Variants in IGFN1 observed in about 807,000 individuals in gnomAD.
IGFN1 encodes the protein immunoglobulin-like and fibronectin type III domain-containing protein 1.
A neutral mutation model predicts 289.5 loss-of-function variants in IGFN1; 253 were observed. The observed-to-expected ratio is 0.87, with a 90% CI of 0.79 to 0.97. The LOEUF (loss-of-function observed/expected upper bound fraction) is 0.97. IGFN1 is among the 50% of genes least tolerant of loss of function. The pLI, the probability that IGFN1 is intolerant of heterozygous loss-of-function variation, is 0.00. For synonymous variants in IGFN1, 1,706 were observed against 1,788.5 expected (o/e 0.95, Z 1.16); for missense variants, 4,470 against 4,686.1 (o/e 0.95, Z 1.35).
rs1167565657 is a variant in IGFN1 at position 201,207,409 on chromosome 1, C to T, written c.2516C>T (p.Pro839Leu). 3 of 1,534,326 alleles carry T rather than the reference C, an allele frequency of 2.0e-6. No homozygotes were observed. The East Asian group carries it at 7.3e-5, about 38-fold the overall frequency. The change falls in exon 12 of 24, where the codon CCT becomes CTT. Residue 839 changes from proline (P) to leucine (L), a missense_variant. Physicochemically the swap from Pro to Leu is moderately conservative, Grantham distance 98 (BLOSUM62 -3). Coordinates refer to ENST00000335211, the MANE Select transcript of IGFN1 (RefSeq NM_001164586.2). ...AGAATAGAATCTAAGGGCACAAGTC[C>T]TTGGGATGACACACCATCTAGCCTC... ...IGRIESKGTS[P>L]WDDTPSSLRK...
Position 201,209,447 on chromosome 1 carries a change from T to C in IGFN1, c.4554T>C (p.Gly1518=). 1.3e-6 allele frequency: 2 copies of C among 1,533,904 alleles called. No homozygotes were observed. The highest frequency in any genetic ancestry group is 2.4e-5 in the South Asian group (2 of 83,846). The part of the protein sequence containing the change: ...GSKAGYRGGL[G]SGEMGSVDKA... Reference sequence around the variant, plus strand: ...AAGCAGGTTATAGGGGTGGCTTAGGTTCTGGGGAAATGGGGTCTGTGGATA... The same window carrying C: ...AAGCAGGTTATAGGGGTGGCTTAGGCTCTGGGGAAATGGGGTCTGTGGATA... Residue 1518 remains glycine, a synonymous_variant, in exon 12 of 24, where the codon GGT becomes GGC. Transcript: ENST00000335211.
chr1:201,221,705 C>T lies in IGFN1; in HGVS notation c.10160C>T (p.Pro3387Leu). Reference protein sequence around the residue: ...TAVNEGGQSQPSALDTLVQAM... With the variant: ...TAVNEGGQSQLSALDTLVQAM... Reference sequence around the variant, plus strand: ...GTTAATGAAGGAGGCCAGAGCCAGCCCAGTGCCCTGGACACATTAGTGCAA... The same window carrying T: ...GTTAATGAAGGAGGCCAGAGCCAGCTCAGTGCCCTGGACACATTAGTGCAA... Residue 3387 changes from proline to leucine, a missense_variant, in exon 19 of 24, where the codon CCC becomes CTC. Physicochemically the swap from Pro to Leu is moderately conservative, Grantham distance 98. This residue lies in a region of IGFN1 where 2,218 missense variants were observed against 2,114.1 expected (regional missense o/e 1.05). Coordinates refer to ENST00000335211, the MANE Select transcript of IGFN1 (RefSeq NM_001164586.2). 6.2e-7 allele frequency: 1 copy of T among 1,611,294 alleles called. No homozygotes were observed. Among genetic ancestry groups the T allele is most frequent in the Non-Finnish European group, 8.5e-7 (1 of 1,178,546 alleles).
Position 201,211,087 on chromosome 1 carries a change from T to C in IGFN1, c.6194T>C (p.Val2065Ala), listed in dbSNP as rs1321396568. Residue 2065 changes from valine (V) to alanine (A), a missense_variant, in exon 12 of 24, where the codon GTG (valine) becomes GCG (alanine). Coordinates refer to ENST00000335211, the MANE Select transcript of IGFN1 (RefSeq NM_001164586.2). ...GGGAGTTCTGTAGAAATGGGGTCAG[T>C]GAATGAGGCAGGTTATAGGAAGGAT... is the stretch of plus-strand genomic sequence containing the variant. ...GLGSSVEMGS[V>A]NEAGYRKDLG... The C allele has an allele frequency of 3.3e-6, 5 of 1,502,742 alleles. No individual in the cohort carries two copies. The highest frequency in any genetic ancestry group is 1.4e-5 in the African/African-American group (1 of 69,896). The allele number at this position is 1,502,742 out of a possible 1,614,324, so 93.1% of individuals were successfully genotyped here. A position where few individuals can be genotyped will look rare whatever the true frequency, so the allele number is the denominator to read the frequency against.
In IGFN1 at chr1:201,197,274, G is replaced by A. The variant is rs755982111; in HGVS notation, c.324G>A (p.Ala108=). ...TGTACCGCTGCACAGCAGTAAATGC[G>A]TACGGAGAGGCCGCTTGCTCAGTGA... is the stretch of plus-strand genomic sequence containing the variant. The part of the protein sequence containing the change: ...TDLYRCTAVN[A]YGEAACSVRL... Residue 108 remains alanine (A), a synonymous_variant, in exon 5 of 24, where the codon GCG becomes GCA. Coordinates refer to ENST00000335211, the MANE Select transcript of IGFN1 (RefSeq NM_001164586.2). 6.7e-5 allele frequency: 104 copies of A among 1,551,436 alleles called. No individual in the cohort carries two copies. The highest frequency in any genetic ancestry group is 3.3e-4 in the Middle Eastern group (2 of 6,014).
chr1:201,222,872 C>A, intron 20 of IGFN1, 45 bp downstream of exon 20: 1 of 1,385,776 alleles, frequency 7.2e-7, no homozygotes, highest in Non-Finnish European at 1.0e-6. Flanking sequence ...CCAGAGAGGC[C>A]AAGGGGGCCA....
chr1:201,223,349 A>ATTATTTATTTATTTATTTATTTATTTAT, intron 20 of IGFN1, among the ~76,000 whole-genome samples: 1 of 142,992 alleles, frequency 7.0e-6, no homozygotes, highest in Non-Finnish European at 1.5e-5. Flanking sequence ...TTGGACAAAT[A>ATTATTTATTTATTTATTTATTTATTTAT]TTATTTATTT....
intron 13 of IGFN1, 135 bp from the exon 14 acceptor site, chr1:201,214,878 A>G: frequency 1.2e-6 from 1 of 833,180 alleles, no homozygotes; most frequent in Non-Finnish European, 1.9e-6. Context: ...CACAGAGAGC[A>G]TTGGCACACA....
intron 18 of IGFN1, among the ~76,000 whole-genome samples, chr1:201,221,077 A>G (rs963727548): frequency 3.3e-5 from 5 of 152,234 alleles, no homozygotes; most frequent in African/African-American, 1.2e-4. Context: ...AGTCCAGAAT[A>G]AAAACACATG....
At chr1:201,194,403 C>G in intron 3 of IGFN1, 130 bp downstream of exon 3, 1 of 974,898 alleles carries the variant, frequency 1.0e-6, no homozygotes, top group Non-Finnish European at 1.5e-6. Context: ...TAGCCCATCT[C>G]CCTCCTATCC....
rs569189674 is a variant in IGFN1, at chr1:201,218,767, G to A, written c.9898+109G>A. 8 of 1,118,520 alleles carry A rather than the reference G, an allele frequency of 7.2e-6. No individual in the cohort carries two copies. The East Asian group carries it at 7.4e-5, about 10-fold the overall frequency. 69.3% of individuals were successfully genotyped at this position (1,118,520 alleles called of 1,614,324 possible). A position where few individuals can be genotyped will look rare whatever the true frequency, so the allele number is the denominator to read the frequency against. On this transcript the variant is annotated intron_variant, in intron 18 of 23. Transcript: ENST00000335211. ...AGGTCACAGGTCGGGGCAGTCCTGA[G>A]GGAGATGGTCAGGAGGGCTGGGATA...
At position 201,212,512 on chromosome 1, in the gene IGFN1, C is replaced by T. The variant is rs1355383432; in HGVS notation, c.7619C>T (p.Ala2540Val). 1 of 1,545,298 alleles carries T rather than the reference C, an allele frequency of 6.5e-7. No individual in the cohort carries two copies. The change falls in exon 12 of 24, where the codon GCA (alanine) becomes GTA (valine). Residue 2540 changes from alanine to valine, a missense_variant. This residue lies in a region of IGFN1 where 2,218 missense variants were observed against 2,114.1 expected (regional missense o/e 1.05). Coordinates refer to ENST00000335211, the MANE Select transcript of IGFN1 (RefSeq NM_001164586.2). ...GKGAVEGETW[A>V]GMAALGSGYE... ...GGGGCAGTGGAAGGTGAGACCTGGG[C>T]AGGAATGGCTGCTCTAGGGTCTGGA...
chr1:201,211,545 T>A lies in IGFN1; in HGVS notation c.6652T>A (p.Leu2218Met). The A allele has an allele frequency of 6.6e-7, 1 of 1,521,914 alleles. No individual in the cohort carries two copies. The highest frequency in any genetic ancestry group is 8.8e-7 in the Non-Finnish European group (1 of 1,138,868). The allele number at this position is 1,521,914 out of a possible 1,614,324, so 94.3% of individuals were successfully genotyped here. Residue 2218 changes from leucine (L) to methionine (M), a missense_variant, in exon 12 of 24, where the codon TTG (leucine) becomes ATG (methionine). By Grantham distance (15) the Leu-to-Met change is conservative. This residue lies in a region of IGFN1 where 2,218 missense variants were observed against 2,114.1 expected (regional missense o/e 1.05). Coordinates refer to ENST00000335211, the MANE Select transcript of IGFN1 (RefSeq NM_001164586.2). ...GAATAAGGCAGGTTATAGGAAGGAT[T>A]TGGGGGCTCCTAAGGGAATGGGTTC... ...SVNKAGYRKD[L>M]GAPKGMGSGS...
At chr1:201,214,132 G>T in intron 12 of IGFN1, 45 bp from the exon 13 acceptor site, 1 of 1,553,754 alleles carries the variant, frequency 6.4e-7, no homozygotes, top group Non-Finnish European at 8.7e-7. Flanking sequence ...CGCAGGCCAT[G>T]GCCTGGGGCG....
In IGFN1 at chr1:201,227,222, C is replaced by T. The variant is rs368237193; in HGVS notation, c.11113+14C>T. The T allele has an allele frequency of 2.6e-6, 4 of 1,547,316 alleles. No individual in the cohort carries two copies. The highest frequency in any genetic ancestry group is 3.5e-6 in the Non-Finnish European group (4 of 1,142,778). On this transcript the variant is annotated intron_variant, in intron 23 of 23. Coordinates refer to ENST00000335211, the MANE Select transcript of IGFN1 (RefSeq NM_001164586.2). ...TCATTGTCATAGGTAATGGTGGCTG[C>T]CCTGGCAGTGGGGCAGGAAGGAGAG...
intron 19 of IGFN1, 36 bp from the exon 20 acceptor site, chr1:201,222,703 G>C: frequency 6.6e-7 from 1 of 1,515,788 alleles, no homozygotes; most frequent in Non-Finnish European, 9.1e-7. Context: ...AACTGTGAGG[G>C]AGGAGGGAGG....
In IGFN1 at chr1:201,206,214, A is replaced by AG. The variant is rs754409209; in HGVS notation, c.1328dup (p.Ser444LeufsTer3). ...AGAGAAATCCAGAGAGCAGGGCCCC[A>AG]GGGGGGGCTCCCTTGAAGGGGCTGG... On this transcript the variant is annotated frameshift_variant, in exon 12 of 24. Coordinates refer to ENST00000335211, the MANE Select transcript of IGFN1 (RefSeq NM_001164586.2). LOFTEE classifies it high-confidence loss of function. 36 of 1,548,262 alleles carry AG rather than the reference A, an allele frequency of 2.3e-5. No homozygotes were observed. Among genetic ancestry groups the AG allele is most frequent in the African/African-American group, 1.8e-4 (13 of 72,832 alleles).
chr1:201,199,785 G>C, intron 7 of IGFN1, 131 bp downstream of exon 7: 1 of 708,620 alleles, frequency 1.4e-6, no homozygotes, highest in Non-Finnish European at 2.4e-6. Context: ...GCCAGTAGCA[G>C]ATGGGAGGAT....
chr1:201,194,384 A>G, intron 3 of IGFN1, 111 bp downstream of exon 3: 3 of 1,193,198 alleles, frequency 2.5e-6, no homozygotes, highest in Non-Finnish European at 3.5e-6. Context: ...TATATCCATC[A>G]CTAGGCCATA....
chr1:201,195,401 C>T (rs1666873377), intron 3 of IGFN1, among the ~76,000 whole-genome samples: 1 of 152,192 alleles, frequency 6.6e-6, no homozygotes, highest in Non-Finnish European at 1.5e-5. Context: ...ATACGACTGC[C>T]TTGGCCTCCC....
Sources: gnomAD v4.1 joint callset for allele counts (sites outside exome capture counted in the v4.1 genomes callset) on GRCh38, gnomAD v4.1.1 for gene constraint, gnomAD v4.1.1 regional missense constraint, MANE v1.5 for transcripts, NCBI Gene and HGNC (gene_info 2026-07-23, HGNC 2026-07-21) for gene names.